PHF21A: variants seen among roughly 807,000 people sequenced by gnomAD.
The protein encoded by PHF21A is BHC80a.
In PHF21A, 11 loss-of-function variants were observed where a neutral mutation model predicts 82.5. The observed-to-expected ratio is 0.13, with a 90% confidence interval of 0.08 to 0.22. The LOEUF (loss-of-function observed/expected upper bound fraction) is 0.22, where lower values mean the gene tolerates loss of function less well. Ranked by LOEUF, PHF21A falls within the 10% of genes least tolerant of loss-of-function variation. The pLI, the probability that PHF21A is intolerant of heterozygous loss-of-function variation, is 1.00. For synonymous variants in PHF21A, 297 were observed against 302.8 expected (o/e 0.98, Z 0.20); for missense variants, 579 against 837.8 (o/e 0.69, Z 3.81).
intron 18 of PHF21A, chr11:45,934,681 C>A: frequency 3.3e-6 from 1 of 305,914 alleles, no homozygotes; most frequent in South Asian, 3.0e-5. Flanking sequence ...ACAGTGCTAT[C>A]TGGATTCCAT....
intron 16 of PHF21A, among the ~76,000 whole-genome samples, chr11:45,937,759 G>GC (rs1348383553): frequency 6.6e-6 from 1 of 152,188 alleles, no homozygotes; most frequent in Non-Finnish European, 1.5e-5. Context: ...GAGATTACAG[G>GC]CCTGAGTCAC....
At chr11:45,980,062 C>CA in intron 6 of PHF21A, 96 bp from the exon 7 acceptor site, 1 of 1,543,050 alleles carries the variant, frequency 6.5e-7, no homozygotes, top group Non-Finnish European at 8.8e-7. Flanking sequence ...TAAATAGCTT[C>CA]ATCTAAAACT....
At chr11:46,063,992 A>C (rs1295547357) in intron 6 of PHF21A, among the ~76,000 whole-genome samples, 1 of 152,220 alleles carries the variant, frequency 6.6e-6, no homozygotes, top group African/African-American at 2.4e-5. Context: ...TCACATACTC[A>C]GAAAAACAAA....
intron 6 of PHF21A, among the ~76,000 whole-genome samples, chr11:46,004,058 CAG>C (rs1350605649): frequency 6.6e-6 from 1 of 152,076 alleles, no homozygotes; most frequent in Non-Finnish European, 1.5e-5. Flanking sequence ...TTCAAAATTA[CAG>C]AGTTGGTTTT....
At chr11:46,065,738 AG>A (rs1565815948) in intron 6 of PHF21A, among the ~76,000 whole-genome samples, 1 of 152,252 alleles carries the variant, frequency 6.6e-6, no homozygotes, top group Non-Finnish European at 1.5e-5. Context: ...CTTTAACAAA[AG>A]TTGTTTAAGC....
chr11:46,004,378 T>G (rs529733874), intron 6 of PHF21A, among the ~76,000 whole-genome samples: 7 of 152,264 alleles, frequency 4.6e-5, no homozygotes, highest in Admixed American at 4.6e-4. Flanking sequence ...AAAAAACTTG[T>G]ACTTTTGACC....
At chr11:45,972,750 C>T (rs1301119334) in intron 7 of PHF21A, among the ~76,000 whole-genome samples, 4 of 152,178 alleles carry the variant, frequency 2.6e-5, no homozygotes, top group Non-Finnish European at 5.9e-5. Context: ...CCCATCTCTA[C>T]TAAAAATACA....
chr11:46,052,810 T>C (rs2096389109), intron 6 of PHF21A, among the ~76,000 whole-genome samples: 1 of 152,230 alleles, frequency 6.6e-6, no homozygotes, highest in African/African-American at 2.4e-5. Context: ...CTTTTCCACC[T>C]TCTTGGACAT....
At chr11:46,076,261 C>T (rs773515169) in intron 6 of PHF21A, among the ~76,000 whole-genome samples, 12 of 152,104 alleles carry the variant, frequency 7.9e-5, no homozygotes, top group South Asian at 2.1e-4. Context: ...AGTTTTTTCA[C>T]GTAATAGTAG....
intron 6 of PHF21A, among the ~76,000 whole-genome samples, chr11:46,007,163 T>A (rs1462416325): frequency 6.6e-6 from 1 of 152,212 alleles, no homozygotes; most frequent in African/African-American, 2.4e-5. Flanking sequence ...GCTCACTGCA[T>A]ACCTACCATG....
At chr11:46,039,990 G>GA (rs2096093872) in intron 6 of PHF21A, among the ~76,000 whole-genome samples, 1 of 152,032 alleles carries the variant, frequency 6.6e-6, no homozygotes, top group Admixed American at 6.5e-5. Flanking sequence ...CATTTTTTGG[G>GA]AAAAAGAGAT....
chr11:45,941,122 C>T (rs747062825), intron 15 of PHF21A, among the ~76,000 whole-genome samples: 1 of 151,608 alleles, frequency 6.6e-6, no homozygotes, highest in Non-Finnish European at 1.5e-5. Flanking sequence ...TTTTTGAGAC[C>T]GGGTCTGGCT....
chr11:46,093,230 C>T (rs2096948693), intron 1 of PHF21A, among the ~76,000 whole-genome samples: 1 of 152,178 alleles, frequency 6.6e-6, no homozygotes, highest in African/African-American at 2.4e-5. Flanking sequence ...ATTATTTAAA[C>T]TCCACTATAT....
intron 6 of PHF21A, among the ~76,000 whole-genome samples, chr11:46,045,834 G>A (rs1300829510): frequency 1.3e-5 from 2 of 152,070 alleles, no homozygotes; most frequent in Non-Finnish European, 2.9e-5. Context: ...AGGTGTCTTA[G>A]TAAGACTCTG....
At chr11:46,042,497 C>A (rs2096169767) in intron 6 of PHF21A, among the ~76,000 whole-genome samples, 1 of 152,006 alleles carries the variant, frequency 6.6e-6, no homozygotes, top group Non-Finnish European at 1.5e-5. Context: ...TTTATAAATC[C>A]TAGAAAACCG....
rs542228894 is a variant in PHF21A, at chr11:45,966,426, T to C, written c.703-818A>G. ...TCTCTAAATACTTCTAATATCTGTC[T>C]ACTTCTATCCTCACTCCACTATCTA... On this transcript the variant is annotated intron_variant, in intron 9 of 18. Transcript: ENST00000676320. 3.9e-5 allele frequency among the ~76,000 whole-genome samples: 6 copies of C among 152,276 alleles called. No individual in the cohort carries two copies. The South Asian group carries it at 1.0e-3, about 26-fold the overall frequency.
At chr11:45,978,858 C>T (rs1179387195) in intron 7 of PHF21A, among the ~76,000 whole-genome samples, 1 of 152,058 alleles carries the variant, frequency 6.6e-6, no homozygotes, top group Non-Finnish European at 1.5e-5. Context: ...AAAACATTTG[C>T]ACAGCTACAC....
chr11:46,107,759 C>T lies in PHF21A; in HGVS notation c.-237+13176G>A, dbSNP rs2097168126. ...AAGTTAAAACTCTCAAAGCTGGAAT[C>T]AAGAGTTCTATTTAATGTAGATTAT... is the stretch of plus-strand genomic sequence containing the variant. On this transcript the variant is annotated intron_variant, in intron 1 of 18. Coordinates refer to ENST00000676320, the MANE Select transcript of PHF21A (RefSeq NM_001352027.3). Among the ~76,000 whole-genome samples the T allele has an allele frequency of 2.0e-5, 3 of 152,242 alleles. No homozygotes were observed. In the South Asian group the frequency reaches 6.2e-4, roughly 32 times the overall value.
At chr11:46,063,434 A>AACT (rs2096559593) in intron 6 of PHF21A, among the ~76,000 whole-genome samples, 1 of 152,198 alleles carries the variant, frequency 6.6e-6, no homozygotes. Context: ...ACGACTACTT[A>AACT]ACTCTGTCAT....
Sources: gnomAD v4.1 joint callset for allele counts (sites outside exome capture counted in the v4.1 genomes callset) on GRCh38, gnomAD v4.1.1 for gene constraint, MANE v1.5 for transcripts, NCBI Gene and HGNC (gene_info 2026-07-23, HGNC 2026-07-21) for gene names.